AMPH: variants seen among roughly 807,000 people sequenced by gnomAD.
AMPH encodes amphiphysin, also known as amphiphysin (Stiff-Mann syndrome with breast cancer 128kD autoantigen).
Under a neutral mutation model 99.1 loss-of-function variants are expected in AMPH, and 49 were observed. That is an observed-to-expected ratio of 0.49 (90% CI 0.39 to 0.63). The LOEUF is 0.63. AMPH is among the 20% of genes least tolerant of loss of function. AMPH has a pLI of 0.00. For missense variants in AMPH, 759 were observed against 863.4 expected (o/e 0.88, Z 1.52); for synonymous variants, 314 against 317.3 (o/e 0.99, Z 0.11).
At chr7:38,603,091 G>T (rs1193956279) in intron 1 of AMPH, among the ~76,000 whole-genome samples, 1 of 152,008 alleles carries the variant, frequency 6.6e-6, no homozygotes, top group Non-Finnish European at 1.5e-5. Context: ...TATGGCAGGT[G>T]GATCACTTGA....
intron 11 of AMPH, among the ~76,000 whole-genome samples, chr7:38,447,212 T>C (rs1018008946): frequency 2.0e-5 from 3 of 152,124 alleles, no homozygotes; most frequent in Non-Finnish European, 4.4e-5. Flanking sequence ...AGAGACAGAA[T>C]TTCTCCATGT....
At chr7:38,547,273 A>C (rs148759479) in intron 1 of AMPH, among the ~76,000 whole-genome samples, 5 of 152,306 alleles carry the variant, frequency 3.3e-5, no homozygotes, top group African/African-American at 9.6e-5. Context: ...GGGTCTCAAA[A>C]TTCTTAGCTC....
At chr7:38,513,922 A>T (rs1328530844) in intron 2 of AMPH, among the ~76,000 whole-genome samples, 2 of 152,158 alleles carry the variant, frequency 1.3e-5, no homozygotes, top group East Asian at 3.8e-4. Context: ...CTGCCTTCTT[A>T]AGAAAATGTT....
At chr7:38,448,073 AG>A (rs1225240363) in intron 11 of AMPH, among the ~76,000 whole-genome samples, 2 of 152,210 alleles carry the variant, frequency 1.3e-5, no homozygotes, top group Non-Finnish European at 2.9e-5. Flanking sequence ...TTCATGTAAA[AG>A]TCACAATTTA....
chr7:38,422,598 C>T (rs572481166), intron 15 of AMPH, 121 bp from the exon 16 acceptor site: 3 of 698,694 alleles, frequency 4.3e-6, no homozygotes, highest in African/African-American at 2.5e-5. Flanking sequence ...ATCTATCTAT[C>T]TATCCATCTA....
At chr7:38,466,913 A>C (rs1212139212) in intron 7 of AMPH, among the ~76,000 whole-genome samples, 5 of 152,220 alleles carry the variant, frequency 3.3e-5, no homozygotes, top group Non-Finnish European at 7.3e-5. Context: ...ATCTTTACTT[A>C]AATCCCTAAC....
chr7:38,423,002 A>G (rs551268474), intron 15 of AMPH, among the ~76,000 whole-genome samples: 141 of 152,318 alleles, frequency 9.3e-4, no homozygotes, highest in African/African-American at 3.2e-3. Context: ...AAGTTTTAAT[A>G]ATAGTTATTC....
At chr7:38,548,448 C>A (rs534196808) in intron 1 of AMPH, among the ~76,000 whole-genome samples, 1 of 152,188 alleles carries the variant, frequency 6.6e-6, no homozygotes, top group East Asian at 1.9e-4. Context: ...TTGACTCTTC[C>A]CTTGGCTTAG....
chr7:38,589,187 A>G (rs1792768097), intron 1 of AMPH, among the ~76,000 whole-genome samples: 1 of 152,252 alleles, frequency 6.6e-6, no homozygotes. Flanking sequence ...AGAGATTCAG[A>G]CCATAAAAAC....
chr7:38,399,177 C>T (rs1784774562), intron 17 of AMPH, among the ~76,000 whole-genome samples: 1 of 152,242 alleles, frequency 6.6e-6, no homozygotes, highest in Admixed American at 6.5e-5. Flanking sequence ...AACACTCCTA[C>T]ACCCTACTTT....
chr7:38,419,745 C>T (rs777705263), intron 16 of AMPH, among the ~76,000 whole-genome samples: 16 of 152,068 alleles, frequency 1.1e-4, no homozygotes, highest in African/African-American at 2.7e-4. Flanking sequence ...AAGAAATCCA[C>T]GAGCAGATGC....
At chr7:38,489,564 A>G (rs1788642513) in intron 5 of AMPH, among the ~76,000 whole-genome samples, 1 of 152,182 alleles carries the variant, frequency 6.6e-6, no homozygotes, top group African/African-American at 2.4e-5. Context: ...CAGCAAAAGA[A>G]ACAATCAAGA....
intron 2 of AMPH, among the ~76,000 whole-genome samples, chr7:38,514,736 A>C (rs902894293): frequency 1.3e-5 from 2 of 152,166 alleles, no homozygotes; most frequent in African/African-American, 2.4e-5. Context: ...TGCTGATGCC[A>C]CGCCCTTGGT....
chr7:38,476,665 A>G (rs77307344), intron 6 of AMPH, among the ~76,000 whole-genome samples, 197 bp downstream of exon 6: 3,354 of 152,322 alleles, frequency 0.022, 120 homozygotes, highest in African/African-American at 0.077. Context: ...TGTGTGAGTC[A>G]GTATCCCCCA....
chr7:38,455,463 G>C (rs575445739), intron 11 of AMPH, among the ~76,000 whole-genome samples: 1 of 152,304 alleles, frequency 6.6e-6, no homozygotes, highest in Admixed American at 6.5e-5. Flanking sequence ...ATAGCAAGTA[G>C]ATGTTCACAC....
chr7:38,599,601 T>C (rs746572652), intron 1 of AMPH, among the ~76,000 whole-genome samples: 1 of 152,146 alleles, frequency 6.6e-6, no homozygotes, highest in Non-Finnish European at 1.5e-5. Context: ...TACACGTAGA[T>C]TTTTTACTGC....
intron 1 of AMPH, among the ~76,000 whole-genome samples, chr7:38,562,174 A>G (rs1388050141): frequency 6.6e-6 from 1 of 152,164 alleles, no homozygotes; most frequent in Non-Finnish European, 1.5e-5. Context: ...GTAAGCACAG[A>G]GCAACCTCCC....
intron 17 of AMPH, among the ~76,000 whole-genome samples, chr7:38,407,631 T>C (rs1326001728): frequency 6.6e-6 from 1 of 152,026 alleles, no homozygotes; most frequent in East Asian, 1.9e-4. Flanking sequence ...AAATTTTAAA[T>C]TAAAAAAATT....
intron 5 of AMPH, among the ~76,000 whole-genome samples, chr7:38,482,168 T>C (rs1361614361): frequency 1.3e-5 from 2 of 152,162 alleles, no homozygotes; most frequent in Admixed American, 1.3e-4. Flanking sequence ...GGCTTCACAA[T>C]TATCTATCTT....
Sources: gnomAD v4.1 joint callset for allele counts (sites outside exome capture counted in the v4.1 genomes callset) on GRCh38, gnomAD v4.1.1 for gene constraint, MANE v1.5 for transcripts, NCBI Gene and HGNC (gene_info 2026-07-23, HGNC 2026-07-21) for gene names.